RUNDC3B: variants seen among roughly 807,000 people sequenced by gnomAD.
The protein encoded by RUNDC3B is RUN domain containing 3B.
Under a neutral mutation model 58.4 loss-of-function variants are expected in RUNDC3B, and 33 were observed. The observed-to-expected ratio is 0.56, with a 90% CI of 0.43 to 0.75. RUNDC3B has a LOEUF of 0.75. Among genes scored for constraint, RUNDC3B ranks in the 30% least tolerant of loss-of-function variants. RUNDC3B has a pLI of 0.00. For synonymous variants in RUNDC3B, 193 were observed against 195.2 expected, an observed-to-expected ratio of 0.99 and a Z score of 0.10; for missense variants, 501 against 535.7, an observed-to-expected ratio of 0.94 and a Z score of 0.64.
intron 8 of RUNDC3B, among the ~76,000 whole-genome samples, chr7:87,779,553 C>T (rs950964148): frequency 3.3e-5 from 5 of 152,080 alleles, no homozygotes; most frequent in African/African-American, 9.7e-5. Flanking sequence ...GTGTTTTTCT[C>T]TTCTGTATAG....
chr7:87,769,848 T>C (rs1353766055), intron 6 of RUNDC3B, among the ~76,000 whole-genome samples: 3 of 152,122 alleles, frequency 2.0e-5, no homozygotes, highest in South Asian at 4.1e-4. Flanking sequence ...TTCCCCTCCC[T>C]GTGTCCATGA....
intron 2 of RUNDC3B, among the ~76,000 whole-genome samples, chr7:87,681,695 A>T (rs1291969258): frequency 6.6e-6 from 1 of 150,976 alleles, no homozygotes; most frequent in African/African-American, 2.5e-5. Context: ...CTGCTGAAGG[A>T]TGGGGTGGAT....
intron 8 of RUNDC3B, among the ~76,000 whole-genome samples, chr7:87,806,144 A>C (rs942357098): frequency 3.9e-5 from 6 of 152,218 alleles, no homozygotes; most frequent in African/African-American, 1.4e-4. Context: ...GACAGAATCT[A>C]GTGTTTACAT....
chr7:87,658,462 G>A (rs893735816), intron 2 of RUNDC3B, among the ~76,000 whole-genome samples: 1 of 152,024 alleles, frequency 6.6e-6, no homozygotes, highest in African/African-American at 2.4e-5. Flanking sequence ...AAAGAAGGTG[G>A]GACTGAAAAA....
intron 10 of RUNDC3B, among the ~76,000 whole-genome samples, chr7:87,825,743 T>G (rs562791787): frequency 6.6e-6 from 1 of 152,272 alleles, no homozygotes; most frequent in African/African-American, 2.4e-5. Context: ...CCCAAGACCA[T>G]GGGAATCCAT....
At chr7:87,819,414 T>G (rs1157285250) in intron 10 of RUNDC3B, among the ~76,000 whole-genome samples, 36 of 147,868 alleles carry the variant, frequency 2.4e-4, no homozygotes, top group South Asian at 6.5e-4. Flanking sequence ...ACAAAGAGAC[T>G]TAGACTCCCA....
rs565065013 is a variant in RUNDC3B at position 87,782,625 on chromosome 7, A to G, written c.956+4670A>G. Among the ~76,000 whole-genome samples, 16 of 152,034 alleles carry G rather than the reference A, an allele frequency of 1.1e-4. No homozygotes were observed. In the South Asian group the frequency reaches 3.3e-3, roughly 32 times the overall value. ...ACATTTAGTGATAAAAACTTTTAAC[A>G]CTATTTTTGCTGCATCCCAGAGATT... On this transcript the variant is annotated intron_variant, in intron 8 of 10. Coordinates refer to ENST00000394654, the MANE Select transcript of RUNDC3B (RefSeq NM_001134405.2).
chr7:87,659,217 C>A, intron 2 of RUNDC3B: 1 of 428,244 alleles, frequency 2.3e-6, no homozygotes, highest in Non-Finnish European at 4.7e-6. Flanking sequence ...ATACAGTAAA[C>A]AAGAATATGG....
At chr7:87,655,900 G>C (rs184639050) in intron 2 of RUNDC3B, among the ~76,000 whole-genome samples, 1 of 152,166 alleles carries the variant, frequency 6.6e-6, no homozygotes, top group East Asian at 1.9e-4. Flanking sequence ...TTGACAGAGG[G>C]AGTTTGTCCT....
At chr7:87,816,727 T>G (rs1837063320) in intron 10 of RUNDC3B, among the ~76,000 whole-genome samples, 1 of 152,206 alleles carries the variant, frequency 6.6e-6, no homozygotes. Flanking sequence ...AGTGTTTTAT[T>G]TTTTCCTATT....
intron 2 of RUNDC3B, among the ~76,000 whole-genome samples, chr7:87,664,828 A>G (rs1389307509): frequency 6.6e-6 from 1 of 152,202 alleles, no homozygotes; most frequent in East Asian, 1.9e-4. Context: ...AATAATAGCT[A>G]TAAGTTCCTA....
intron 4 of RUNDC3B, among the ~76,000 whole-genome samples, chr7:87,725,700 C>T (rs1831187056): frequency 6.6e-6 from 1 of 152,172 alleles, no homozygotes; most frequent in Non-Finnish European, 1.5e-5. Context: ...AGTTTACCGT[C>T]CCACCAACAG....
At chr7:87,724,231 C>T (rs1343704601) in intron 4 of RUNDC3B, among the ~76,000 whole-genome samples, 1 of 151,858 alleles carries the variant, frequency 6.6e-6, no homozygotes, top group Non-Finnish European at 1.5e-5. Flanking sequence ...TCTCTGAGTC[C>T]CCTGAAACCA....
chr7:87,641,813 C>T (rs1267822286), intron 1 of RUNDC3B, among the ~76,000 whole-genome samples: 1 of 152,050 alleles, frequency 6.6e-6, no homozygotes, highest in Non-Finnish European at 1.5e-5. Context: ...TGGTGATTGT[C>T]TTTAGAAGAG....
At chr7:87,721,100 TAAA>T (rs1830863139) in intron 4 of RUNDC3B, among the ~76,000 whole-genome samples, 1 of 150,782 alleles carries the variant, frequency 6.6e-6, no homozygotes, top group Admixed American at 6.6e-5. Flanking sequence ...TATGTAACTG[TAAA>T]AAAAGAAAAT....
intron 8 of RUNDC3B, among the ~76,000 whole-genome samples, chr7:87,791,984 A>G (rs1036104995): frequency 1.3e-5 from 2 of 152,126 alleles, no homozygotes; most frequent in Admixed American, 1.3e-4. Flanking sequence ...CACTTTACCT[A>G]TAAAGATACA....
intron 2 of RUNDC3B, among the ~76,000 whole-genome samples, chr7:87,693,065 G>A (rs1439911238): frequency 6.6e-6 from 1 of 152,120 alleles, no homozygotes; most frequent in Non-Finnish European, 1.5e-5. Flanking sequence ...GTGGGACCAT[G>A]TACTATTGGA....
At chr7:87,663,604 A>G (rs1824933631) in intron 2 of RUNDC3B, among the ~76,000 whole-genome samples, 1 of 152,106 alleles carries the variant, frequency 6.6e-6, no homozygotes, top group African/African-American at 2.4e-5. Context: ...ACTTTTCCAC[A>G]TTATTGCTTT....
At position 87,807,436 on chromosome 7, in the gene RUNDC3B, G is replaced by C; in HGVS notation, c.1020G>C (p.Gln340His). Reference sequence around the variant, plus strand: ...AGTTAACTGCCCATCTCACCAACCAGTGGCCTTCTCCAGGAGCTCTGGATG... The same window carrying C: ...AGTTAACTGCCCATCTCACCAACCACTGGCCTTCTCCAGGAGCTCTGGATG... ...RQELTAHLTN[Q>H]WPSPGALDVN... Residue 340 changes from glutamine (Q) to histidine (H), a missense_variant, in exon 9 of 11, where the codon CAG (glutamine) becomes CAC (histidine). Transcript: ENST00000394654. The C allele has an allele frequency of 1.2e-6, 2 of 1,613,734 alleles. No homozygotes were observed. The highest frequency in any genetic ancestry group is 1.7e-6 in the Non-Finnish European group (2 of 1,179,716).
Sources: allele counts gnomAD v4.1 joint callset (sites outside exome capture counted in the v4.1 genomes callset), GRCh38; gene constraint gnomAD v4.1.1; transcripts MANE v1.5; gene names NCBI Gene and HGNC (gene_info 2026-07-23, HGNC 2026-07-21).